BTC: variants seen among roughly 807,000 people sequenced by gnomAD.
BTC encodes probetacellulin.
In BTC, 13 loss-of-function variants were observed where a neutral mutation model predicts 18.1. The observed-to-expected ratio is 0.72, with a 90% CI of 0.47 to 1.14. The LOEUF is 1.14. BTC is among the 50% of genes most tolerant of loss of function. The pLI is 0.00. For synonymous variants in BTC, 83 were observed against 79.4 expected, an observed-to-expected ratio of 1.05 and a Z score of -0.24; for missense variants, 247 against 224.2, an observed-to-expected ratio of 1.10 and a Z score of -0.65.
At chr4:74,781,011 G>C (rs376519651) in intron 1 of BTC, among the ~76,000 whole-genome samples, 108 of 151,792 alleles carry the variant, frequency 7.1e-4, no homozygotes, top group African/African-American at 2.4e-3. Context: ...CCTTGCCAAA[G>C]TGCAGTAATA....
chr4:74,775,849 C>T (rs528568461), intron 1 of BTC, among the ~76,000 whole-genome samples: 2 of 152,280 alleles, frequency 1.3e-5, no homozygotes, highest in South Asian at 4.1e-4. Context: ...GAAAGAATTT[C>T]ACTTCTTCAA....
chr4:74,783,587 C>CTT (rs71220728), intron 1 of BTC, among the ~76,000 whole-genome samples: 9,761 of 83,354 alleles, frequency 0.12, 645 homozygotes, highest in African/African-American at 0.21. Context: ...CTATTCGGCT[C>CTT]TTTTTTTTTT....
chr4:74,779,639 T>C (rs1040874058), intron 1 of BTC, among the ~76,000 whole-genome samples: 1 of 152,040 alleles, frequency 6.6e-6, no homozygotes, highest in African/African-American at 2.4e-5. Flanking sequence ...CAAAGTGAGG[T>C]GAAACTGTGG....
At chr4:74,775,274 G>A (rs1463808573) in intron 1 of BTC, among the ~76,000 whole-genome samples, 2 of 152,128 alleles carry the variant, frequency 1.3e-5, no homozygotes, top group Non-Finnish European at 1.5e-5. Flanking sequence ...AAAAGGAAAT[G>A]TGAAAAGAAA....
At chr4:74,788,742 A>G (rs1463930642) in intron 1 of BTC, among the ~76,000 whole-genome samples, 1 of 152,224 alleles carries the variant, frequency 6.6e-6, no homozygotes, top group Non-Finnish European at 1.5e-5. Flanking sequence ...GCATTTGGAT[A>G]TGTTAATGTT....
At chr4:74,779,084 A>G (rs1461432313) in intron 1 of BTC, among the ~76,000 whole-genome samples, 6 of 151,220 alleles carry the variant, frequency 4.0e-5, no homozygotes, top group African/African-American at 2.5e-5. Flanking sequence ...GTGTATGTTC[A>G]TTCAAATTCA....
chr4:74,757,342 A>T (rs1553956813), intron 2 of BTC, among the ~76,000 whole-genome samples: 2 of 152,194 alleles, frequency 1.3e-5, no homozygotes, highest in Non-Finnish European at 2.9e-5. Context: ...GTTTCAGGGG[A>T]TGGCAGAATC....
In BTC at chr4:74,754,688, C is replaced by T. The variant is rs543815534; in HGVS notation, c.281+1171G>A. The stretch of plus-strand genomic sequence containing the variant: ...GCCAGGATCAGATGATCTATGAAGG[C>T]TAAGAAAACGAGTTTAAATTTTACA... On this transcript the variant is annotated intron_variant, in intron 3 of 5. Transcript: ENST00000395743. Among the ~76,000 whole-genome samples, 95 of 152,188 alleles carry T rather than the reference C, an allele frequency of 6.2e-4. 1 individual carries two copies. Among genetic ancestry groups the T allele is most frequent in the African/African-American group, 2.2e-3 (93 of 41,518 alleles).
intron 2 of BTC, among the ~76,000 whole-genome samples, chr4:74,757,054 G>A (rs1011436582): frequency 2.0e-5 from 3 of 152,144 alleles, no homozygotes; most frequent in South Asian, 2.1e-4. Flanking sequence ...CACGTTCATG[G>A]TATAACCAAC....
intron 2 of BTC, among the ~76,000 whole-genome samples, chr4:74,768,244 T>C (rs946079259): frequency 6.6e-6 from 1 of 152,096 alleles, no homozygotes; most frequent in African/African-American, 2.4e-5. Context: ...CTCTCACAAT[T>C]CAATAACAAG....
chr4:74,758,004 T>A (rs1157789212), intron 2 of BTC, among the ~76,000 whole-genome samples: 2 of 152,176 alleles, frequency 1.3e-5, no homozygotes, highest in African/African-American at 4.8e-5. Context: ...TCTTGGCAAT[T>A]CTAACAGCAA....
chr4:74,747,949 T>C (rs782069300), intron 5 of BTC, 91 bp downstream of exon 5: 1 of 590,050 alleles, frequency 1.7e-6, no homozygotes, highest in South Asian at 2.8e-5. Context: ...AATCAAATTC[T>C]AATGAATGAT....
intron 1 of BTC, among the ~76,000 whole-genome samples, chr4:74,783,256 C>T (rs758397916): frequency 1.3e-5 from 2 of 152,090 alleles, no homozygotes; most frequent in African/African-American, 2.4e-5. Flanking sequence ...GTATTTCATC[C>T]ATCTTGAGTT....
intron 1 of BTC, among the ~76,000 whole-genome samples, chr4:74,791,894 G>A (rs909231054): frequency 6.6e-6 from 1 of 150,990 alleles, no homozygotes; most frequent in Non-Finnish European, 1.5e-5. Flanking sequence ...CAGACATCTC[G>A]GAGTCATGAA....
At chr4:74,765,151 GAA>G (rs1297423334) in intron 2 of BTC, among the ~76,000 whole-genome samples, 4 of 95,396 alleles carry the variant, frequency 4.2e-5, no homozygotes, top group East Asian at 2.4e-4. Flanking sequence ...CCTAAAGAAA[GAA>G]AAAAAAAAAC....
intron 1 of BTC, among the ~76,000 whole-genome samples, chr4:74,784,408 A>G (rs1560724350): frequency 6.6e-6 from 1 of 152,014 alleles, no homozygotes. Context: ...CTCTCTTCCT[A>G]CTTACATACT....
At chr4:74,756,671 G>A (rs1464608493) in intron 2 of BTC, among the ~76,000 whole-genome samples, 2 of 152,186 alleles carry the variant, frequency 1.3e-5, no homozygotes, top group Non-Finnish European at 2.9e-5. Flanking sequence ...TCAGCCTGAT[G>A]CATCCACAAG....
intron 3 of BTC, among the ~76,000 whole-genome samples, chr4:74,754,956 C>CACAT (rs1724559676): frequency 6.6e-6 from 1 of 151,654 alleles, no homozygotes; most frequent in Non-Finnish European, 1.5e-5. Flanking sequence ...CACACACACA[C>CACAT]ACACACACAC....
chr4:74,756,590 A>G lies in BTC; in HGVS notation c.164-614T>C, dbSNP rs376229930. ...ACCCAGGCAGTCTGCCACTGAGTCC[A>G]CGTTCTTGACTGCCACATACACTCT... On this transcript the variant is annotated intron_variant, in intron 2 of 5. Transcript: ENST00000395743. Among the ~76,000 whole-genome samples, 33 of 152,322 alleles carry G rather than the reference A, an allele frequency of 2.2e-4. No homozygotes were observed. The East Asian group carries it at 3.5e-3, about 16-fold the overall frequency.
Sources: allele counts gnomAD v4.1 joint callset (sites outside exome capture counted in the v4.1 genomes callset), GRCh38; gene constraint gnomAD v4.1.1; transcripts MANE v1.5; gene names NCBI Gene and HGNC (gene_info 2026-07-23, HGNC 2026-07-21).